KHDRBS3: variants seen among roughly 807,000 people sequenced by gnomAD.
KHDRBS3 encodes KH RNA binding domain containing, signal transduction associated 3.
KHDRBS3 carries 23 observed loss-of-function variants against 45.6 expected under a neutral mutation model. The ratio of observed to expected loss-of-function variants is 0.50; its 90% confidence interval spans 0.36 to 0.72. The LOEUF is 0.72. Ranked by LOEUF, KHDRBS3 falls within the 30% of genes least tolerant of loss-of-function variation. The pLI, the probability that KHDRBS3 is intolerant of heterozygous loss-of-function variation, is 0.00. For missense variants in KHDRBS3, 352 were observed against 424.8 expected (o/e 0.83, Z 1.51); for synonymous variants, 162 against 156.5 (o/e 1.04, Z -0.26).
At chr8:135,505,449 C>T (rs912809916) in intron 1 of KHDRBS3, among the ~76,000 whole-genome samples, 5 of 152,166 alleles carry the variant, frequency 3.3e-5, no homozygotes, top group Non-Finnish European at 5.9e-5. Context: ...CTTAAGACCT[C>T]CCGCCTGCTG....
chr8:135,489,635 G>A (rs1321150933), intron 1 of KHDRBS3, among the ~76,000 whole-genome samples: 3 of 152,028 alleles, frequency 2.0e-5, no homozygotes, highest in Admixed American at 6.5e-5. Flanking sequence ...CCGAGATTGC[G>A]CCACTGCACT....
At chr8:135,530,784 G>C (rs78845832) in intron 2 of KHDRBS3, among the ~76,000 whole-genome samples, 1 of 152,120 alleles carries the variant, frequency 6.6e-6, no homozygotes, top group East Asian at 1.9e-4. Context: ...TTTTGTCTAC[G>C]CACTTCTCTC....
chr8:135,600,977 AG>A (rs1173356882), intron 6 of KHDRBS3, among the ~76,000 whole-genome samples: 1 of 152,230 alleles, frequency 6.6e-6, no homozygotes, highest in Non-Finnish European at 1.5e-5. Flanking sequence ...TGCTAGGATT[AG>A]TAAAGGAGCT....
At chr8:135,627,669 A>T (rs1282672275) in intron 7 of KHDRBS3, among the ~76,000 whole-genome samples, 2 of 152,220 alleles carry the variant, frequency 1.3e-5, no homozygotes, top group African/African-American at 2.4e-5. Context: ...GAAAAAAAAT[A>T]GTTCAGTGAA....
At chr8:135,596,398 T>C (rs1390925761) in intron 6 of KHDRBS3, among the ~76,000 whole-genome samples, 1 of 152,168 alleles carries the variant, frequency 6.6e-6, no homozygotes, top group African/African-American at 2.4e-5. Flanking sequence ...ATAAATCCCC[T>C]TGGCTGTGGA....
chr8:135,628,607 G>T (rs1294843244), intron 7 of KHDRBS3, among the ~76,000 whole-genome samples: 1 of 152,132 alleles, frequency 6.6e-6, no homozygotes, highest in Non-Finnish European at 1.5e-5. Flanking sequence ...AATTTTATTT[G>T]CATGTCTTTG....
At chr8:135,585,917 G>A (rs1828449330) in intron 6 of KHDRBS3, among the ~76,000 whole-genome samples, 1 of 152,260 alleles carries the variant, frequency 6.6e-6, no homozygotes, top group Admixed American at 6.5e-5. Flanking sequence ...CCTGGTAAAA[G>A]CATGTGATGG....
chr8:135,555,426 G>A (rs775232441), intron 4 of KHDRBS3, among the ~76,000 whole-genome samples: 7 of 137,950 alleles, frequency 5.1e-5, no homozygotes, highest in Non-Finnish European at 9.4e-5. Flanking sequence ...AGTGTATTTT[G>A]TGTGTGGCCC....
intron 1 of KHDRBS3, among the ~76,000 whole-genome samples, chr8:135,499,599 C>T (rs1823631072): frequency 1.3e-5 from 2 of 152,142 alleles, no homozygotes; most frequent in East Asian, 3.9e-4. Context: ...CGGGATATAG[C>T]CAGCAAGCAG....
At chr8:135,618,048 A>G (rs1010929932) in intron 7 of KHDRBS3, among the ~76,000 whole-genome samples, 4 of 152,188 alleles carry the variant, frequency 2.6e-5, no homozygotes, top group Non-Finnish European at 4.4e-5. Flanking sequence ...TAGAAACTGA[A>G]ATAATATTCA....
At chr8:135,526,791 G>T (rs79103829) in intron 2 of KHDRBS3, among the ~76,000 whole-genome samples, 1,728 of 152,240 alleles carry the variant, frequency 0.011, 30 homozygotes, top group African/African-American at 0.037. Flanking sequence ...ATTGGACACA[G>T]GAATCATTTA....
intron 1 of KHDRBS3, among the ~76,000 whole-genome samples, chr8:135,500,809 G>A (rs1823700161): frequency 6.6e-6 from 1 of 152,096 alleles, no homozygotes; most frequent in Admixed American, 6.5e-5. Context: ...AACAATTTAT[G>A]GTAAATGCTA....
chr8:135,655,616 T>C (rs1004198406), intron 4 of KHDRBS3, among the ~76,000 whole-genome samples: 1 of 152,196 alleles, frequency 6.6e-6, no homozygotes, highest in African/African-American at 2.4e-5. Context: ...CTGAGTTGTT[T>C]TGAGCACACT....
downstream of KHDRBS3, among the ~76,000 whole-genome samples, chr8:135,650,286 C>T (rs1419407727): frequency 2.0e-5 from 3 of 152,168 alleles, no homozygotes; most frequent in Admixed American, 6.5e-5. Flanking sequence ...AAACCATACC[C>T]GTCCTTCAGA....
At chr8:135,651,635 A>G (rs745353219), downstream of KHDRBS3, among the ~76,000 whole-genome samples, 2 of 152,130 alleles carry the variant, frequency 1.3e-5, no homozygotes, top group Non-Finnish European at 2.9e-5. Context: ...GGGCAGATAT[A>G]GTGCCTCATT....
At chr8:135,462,810 T>C (rs1449720602) in intron 1 of KHDRBS3, among the ~76,000 whole-genome samples, 4 of 152,134 alleles carry the variant, frequency 2.6e-5, no homozygotes, top group Non-Finnish European at 5.9e-5. Context: ...TTGTTCTTTT[T>C]ACCATGTCCT....
intron 1 of KHDRBS3, among the ~76,000 whole-genome samples, chr8:135,483,962 T>C (rs1203026103): frequency 6.6e-6 from 1 of 152,164 alleles, no homozygotes; most frequent in African/African-American, 2.4e-5. Flanking sequence ...AGCATGGTGA[T>C]GAAGATGAGG....
At chr8:135,473,290 T>G (rs906648337) in intron 1 of KHDRBS3, among the ~76,000 whole-genome samples, 1 of 152,172 alleles carries the variant, frequency 6.6e-6, no homozygotes, top group African/African-American at 2.4e-5. Context: ...TTGGACTTGG[T>G]TCACACTTTC....
At chr8:135,628,933 C>T (rs1830482608) in intron 7 of KHDRBS3, among the ~76,000 whole-genome samples, 1 of 152,160 alleles carries the variant, frequency 6.6e-6, no homozygotes, top group African/African-American at 2.4e-5. Flanking sequence ...AGGTTTCATC[C>T]CTAGAAGTCT....
Sources: gnomAD v4.1 joint callset for allele counts (sites outside exome capture counted in the v4.1 genomes callset) on GRCh38, gnomAD v4.1.1 for gene constraint, MANE v1.5 for transcripts, NCBI Gene and HGNC (gene_info 2026-07-23, HGNC 2026-07-21) for gene names.